SAE1: variants seen among roughly 807,000 people sequenced by gnomAD.
SAE1 encodes SUMO-activating enzyme subunit 1.
SAE1 carries 11 observed loss-of-function variants against 40.6 expected under a neutral mutation model. The observed-to-expected ratio is 0.27, with a 90% CI of 0.17 to 0.45. The LOEUF (loss-of-function observed/expected upper bound fraction) is 0.45. Among genes scored for constraint, SAE1 ranks in the 20% least tolerant of loss-of-function variants. SAE1 has a pLI of 1.00. For missense variants in SAE1, 373 were observed against 427.3 expected, an observed-to-expected ratio of 0.87 and a Z score of 1.12; for synonymous variants, 155 against 154.3, an observed-to-expected ratio of 1.00 and a Z score of -0.03.
chr19:47,168,308 C>A (rs968722644), intron 5 of SAE1, among the ~76,000 whole-genome samples: 1 of 152,074 alleles, frequency 6.6e-6, no homozygotes, highest in Non-Finnish European at 1.5e-5. Context: ...ATATTTCAGT[C>A]TGTATTTTTT....
intron 6 of SAE1, among the ~76,000 whole-genome samples, chr19:47,185,715 C>T (rs1255543727): frequency 6.6e-6 from 1 of 151,846 alleles, no homozygotes; most frequent in Non-Finnish European, 1.5e-5. Context: ...GATTCTCCTG[C>T]CTTAGTCTCC....
chr19:47,140,864 A>G (rs1041525782), intron 1 of SAE1, among the ~76,000 whole-genome samples: 1 of 151,556 alleles, frequency 6.6e-6, no homozygotes, highest in Non-Finnish European at 1.5e-5. Context: ...ATTTAATTTA[A>G]TTTTTTTTGA....
chr19:47,130,837 TCCGGGCGTGCTG>T lies in SAE1; in HGVS notation c.-89_-78del. On this transcript the variant is annotated 5_prime_UTR_variant, in exon 1 of 9. Coordinates refer to ENST00000270225, the MANE Select transcript of SAE1 (RefSeq NM_005500.3). ...AGGGTCTGCGCATGCGCAGAAGCAC[TCCGGGCGTGCTG>T]CCGGCGGCGGTAGGTGGCGCGCGGG... 3 of 1,537,542 alleles carry T rather than the reference TCCGGGCGTGCTG, an allele frequency of 2.0e-6. No individual in the cohort carries two copies. Among genetic ancestry groups the T allele is most frequent in the Non-Finnish European group, 8.8e-7 (1 of 1,141,736 alleles).
chr19:47,172,345 G>A (rs2058439903), intron 6 of SAE1, among the ~76,000 whole-genome samples: 1 of 152,192 alleles, frequency 6.6e-6, no homozygotes, highest in Admixed American at 6.6e-5. Context: ...GATCAGGTGT[G>A]GAAGAGGCAC....
rs114967410 is a variant in SAE1 at position 47,177,362 on chromosome 19, T to G, written c.733+7439T>G. On this transcript the variant is annotated intron_variant, in intron 6 of 8. Transcript: ENST00000270225. ...ATGTGTTGTTCCTGGTTTTTGTTTG[T>G]TTTTTTTCCCCCCCAAAACAGGGTC... Among the ~76,000 whole-genome samples the G allele has an allele frequency of 7.3e-3, 1,106 of 151,802 alleles. 7 individuals are homozygous for G. Among genetic ancestry groups the G allele is most frequent in the African/African-American group, 0.024 (988 of 41,298 alleles).
At chr19:47,150,110 A>T in intron 2 of SAE1, 92 bp from the exon 3 acceptor site, 3 of 814,062 alleles carry the variant, frequency 3.7e-6, no homozygotes, top group East Asian at 3.2e-5. Context: ...GGTGGTAGGT[A>T]TTTTAGCTAT....
intron 5 of SAE1, among the ~76,000 whole-genome samples, chr19:47,164,489 CTG>C (rs1429479765): frequency 2.6e-5 from 4 of 151,814 alleles, no homozygotes; most frequent in Admixed American, 6.6e-5. Flanking sequence ...TTTTAAATGT[CTG>C]TGTCATTTTT....
At chr19:47,188,204 C>A (rs571298872) in intron 6 of SAE1, among the ~76,000 whole-genome samples, 1 of 151,900 alleles carries the variant, frequency 6.6e-6, no homozygotes, top group East Asian at 1.9e-4. Flanking sequence ...AAAAATGAAC[C>A]ACCAGGCATG....
chr19:47,133,547 C>T (rs761277050), intron 1 of SAE1, among the ~76,000 whole-genome samples: 24 of 152,118 alleles, frequency 1.6e-4, no homozygotes, highest in Non-Finnish European at 2.6e-4. Flanking sequence ...TTAAAATGAT[C>T]GCTCCAGAAT....
chr19:47,162,764 G>A (rs2058366974), intron 5 of SAE1, among the ~76,000 whole-genome samples: 1 of 152,090 alleles, frequency 6.6e-6, no homozygotes, highest in Non-Finnish European at 1.5e-5. Flanking sequence ...GCCAAAGTGG[G>A]CACATCACTT....
At chr19:47,154,447 C>T (rs907372246) in intron 4 of SAE1, among the ~76,000 whole-genome samples, 14 of 142,386 alleles carry the variant, frequency 9.8e-5, no homozygotes, top group Non-Finnish European at 1.5e-4. Flanking sequence ...TTAACATAAG[C>T]TGCCCACAGC....
rs559021553 is a variant in SAE1 at position 47,191,065 on chromosome 19, A to C, written c.734-6168A>C. ...ATTTCTGCTCCAGTACTTGGGAGTT[A>C]CAGTGACCAAGTCATTTAATGTTTC... On this transcript the variant is annotated intron_variant, in intron 6 of 8. Transcript: ENST00000270225. Among the ~76,000 whole-genome samples the C allele has an allele frequency of 2.0e-5, 3 of 152,378 alleles. No individual in the cohort carries two copies. The East Asian group carries it at 5.8e-4, about 29-fold the overall frequency.
intron 6 of SAE1, among the ~76,000 whole-genome samples, chr19:47,171,419 G>A (rs747496742): frequency 5.9e-5 from 9 of 151,836 alleles, no homozygotes; most frequent in African/African-American, 1.2e-4. Context: ...TCAGCCTCCC[G>A]AGTAGCTGAA....
chr19:47,152,033 A>T (rs2058291385), intron 3 of SAE1, among the ~76,000 whole-genome samples: 1 of 152,214 alleles, frequency 6.6e-6, no homozygotes, highest in Non-Finnish European at 1.5e-5. Context: ...TCTTTGAAAC[A>T]CCAAAGGAAC....
At chr19:47,171,911 T>G (rs1050541896) in intron 6 of SAE1, among the ~76,000 whole-genome samples, 2 of 152,066 alleles carry the variant, frequency 1.3e-5, no homozygotes, top group African/African-American at 4.8e-5. Context: ...GTATTTTTTT[T>G]AATGTTATTT....
intron 1 of SAE1, among the ~76,000 whole-genome samples, chr19:47,140,168 G>A (rs1355402834): frequency 4.0e-5 from 6 of 149,726 alleles, no homozygotes; most frequent in East Asian, 3.9e-4. Flanking sequence ...ATGCAGTGGC[G>A]CCATCTCGGC....
intron 3 of SAE1, among the ~76,000 whole-genome samples, chr19:47,151,318 T>G (rs1407217812): frequency 6.6e-6 from 1 of 151,594 alleles, no homozygotes; most frequent in East Asian, 1.9e-4. Context: ...CTGGGCTAAT[T>G]TTTTGTATTT....
chr19:47,181,272 C>T (rs771999715), intron 6 of SAE1, among the ~76,000 whole-genome samples: 2 of 151,772 alleles, frequency 1.3e-5, no homozygotes, highest in African/African-American at 2.4e-5. Context: ...GCCGAGATCG[C>T]GCCATTGCAC....
chr19:47,131,540 T>C (rs2058142798), intron 1 of SAE1, among the ~76,000 whole-genome samples: 1 of 151,776 alleles, frequency 6.6e-6, no homozygotes, highest in South Asian at 2.1e-4. Context: ...TGAGGAGTTT[T>C]GGAGCAAGTT....
Sources: gnomAD v4.1 joint callset for allele counts (sites outside exome capture counted in the v4.1 genomes callset) on GRCh38, gnomAD v4.1.1 for gene constraint, MANE v1.5 for transcripts, NCBI Gene and HGNC (gene_info 2026-07-23, HGNC 2026-07-21) for gene names.